Variants in NRG1 observed in about 807,000 individuals in gnomAD.
The protein encoded by NRG1 is neuregulin 1.
In NRG1, 18 loss-of-function variants were observed where a neutral mutation model predicts 63.8. The observed-to-expected ratio is 0.28, with a 90% confidence interval of 0.19 to 0.42. NRG1 has a LOEUF of 0.42. Ranked by LOEUF, NRG1 falls within the 10% of genes least tolerant of loss-of-function variation. NRG1 has a pLI of 1.00. For synonymous variants in NRG1, 302 were observed against 301.3 expected (o/e 1.00, Z -0.02); for missense variants, 762 against 814.7 (o/e 0.94, Z 0.79).
intron 1 of NRG1, among the ~76,000 whole-genome samples, chr8:32,475,585 A>C (rs1252419908): frequency 6.6e-6 from 1 of 151,580 alleles, no homozygotes; most frequent in African/African-American, 2.4e-5. Context: ...CCTAGGCTGG[A>C]GTGCAGTGGC....
intron 1 of NRG1, among the ~76,000 whole-genome samples, chr8:32,448,476 T>C (rs1464334778): frequency 5.9e-5 from 9 of 152,296 alleles, no homozygotes; most frequent in African/African-American, 2.2e-4. Context: ...CTCCTGGGGA[T>C]TGGAATTACT....
intron 5 of NRG1, among the ~76,000 whole-genome samples, chr8:32,638,547 C>T (rs1020251648): frequency 3.9e-5 from 6 of 152,216 alleles, no homozygotes; most frequent in African/African-American, 9.6e-5. Context: ...AGGCTGGTCT[C>T]GGACTCCTGG....
At chr8:31,899,675 C>T (rs1831908432) in intron 1 of NRG1, among the ~76,000 whole-genome samples, 6 of 152,036 alleles carry the variant, frequency 3.9e-5, no homozygotes, top group Admixed American at 3.9e-4. Context: ...TAAACATTTT[C>T]AAGCTTTTTA....
At chr8:32,318,502 A>G (rs1801015468) in intron 1 of NRG1, among the ~76,000 whole-genome samples, 1 of 152,164 alleles carries the variant, frequency 6.6e-6, no homozygotes, top group African/African-American at 2.4e-5. Context: ...TTAACCTGTA[A>G]CAGGCTGGTC....
At chr8:32,089,808 GA>G (rs1563773404) in intron 1 of NRG1, among the ~76,000 whole-genome samples, 1 of 151,796 alleles carries the variant, frequency 6.6e-6, no homozygotes, top group African/African-American at 2.4e-5. Context: ...AAAAGAGAAA[GA>G]AAAAAAGAAC....
intron 1 of NRG1, among the ~76,000 whole-genome samples, chr8:32,471,213 T>A (rs1353482213): frequency 6.6e-6 from 1 of 152,264 alleles, no homozygotes; most frequent in African/African-American, 2.4e-5. Context: ...TCAATGGACT[T>A]ATCTTTGCTT....
At chr8:31,861,942 T>G (rs1036082936) in intron 1 of NRG1, among the ~76,000 whole-genome samples, 1 of 152,110 alleles carries the variant, frequency 6.6e-6, no homozygotes, top group Non-Finnish European at 1.5e-5. Context: ...TTCATAAGGA[T>G]GTGAGCCAGG....
chr8:32,770,753 TG>T (rs991882054), downstream of NRG1, among the ~76,000 whole-genome samples: 468 of 152,312 alleles, frequency 3.1e-3, 5 homozygotes, highest in African/African-American at 0.011. Context: ...TTACTGACTG[TG>T]GGCAGCTTCC....
chr8:32,243,990 C>T (rs1848377827), intron 1 of NRG1, among the ~76,000 whole-genome samples: 1 of 152,122 alleles, frequency 6.6e-6, no homozygotes, highest in South Asian at 2.1e-4. Context: ...TTAAGCCACG[C>T]AGTCTATGGT....
At chr8:32,411,321 T>C (rs1814912615) in intron 1 of NRG1, among the ~76,000 whole-genome samples, 1 of 152,170 alleles carries the variant, frequency 6.6e-6, no homozygotes, top group African/African-American at 2.4e-5. Flanking sequence ...TATGGAGACT[T>C]AACGGTGTGG....
At chr8:31,926,188 C>A (rs10093513) in intron 1 of NRG1, among the ~76,000 whole-genome samples, 2,823 of 152,240 alleles carry the variant, frequency 0.019, 93 homozygotes, top group African/African-American at 0.065. Context: ...TTTTCAGTTT[C>A]TCCTTTGTCC....
intron 5 of NRG1, among the ~76,000 whole-genome samples, chr8:32,679,856 T>C (rs1323872575): frequency 6.6e-6 from 1 of 152,242 alleles, no homozygotes; most frequent in African/African-American, 2.4e-5. Context: ...GCTAATGCAC[T>C]TACAAATATG....
At chr8:32,423,929 T>A (rs1262616269) in intron 1 of NRG1, among the ~76,000 whole-genome samples, 1 of 152,194 alleles carries the variant, frequency 6.6e-6, no homozygotes. Flanking sequence ...GATACTGGAA[T>A]AATAATGAAT....
chr8:31,853,294 T>C (rs555006062), intron 1 of NRG1, among the ~76,000 whole-genome samples: 5 of 151,400 alleles, frequency 3.3e-5, no homozygotes, highest in South Asian at 2.1e-4. Context: ...CCTTGAGCAG[T>C]GGTTTGTAGT....
At chr8:31,751,974 T>C (rs1816519829) in intron 1 of NRG1, among the ~76,000 whole-genome samples, 1 of 151,968 alleles carries the variant, frequency 6.6e-6, no homozygotes, top group South Asian at 2.1e-4. Flanking sequence ...GTTTTGAACA[T>C]GTATTTGCCA....
intron 1 of NRG1, among the ~76,000 whole-genome samples, chr8:31,921,360 G>T (rs1175759911): frequency 6.6e-6 from 1 of 152,182 alleles, no homozygotes; most frequent in East Asian, 1.9e-4. Flanking sequence ...TTCATGAAGC[G>T]CTACAGCCTG....
intron 1 of NRG1, among the ~76,000 whole-genome samples, chr8:31,902,754 A>G (rs866747436): frequency 3.3e-5 from 5 of 152,240 alleles, no homozygotes; most frequent in Non-Finnish European, 7.3e-5. Context: ...TAAAAAGTAT[A>G]TGCCTAATTT....
chr8:32,699,495 G>GAATTATGTGACAGTTGTCC, intron 5 of NRG1, among the ~76,000 whole-genome samples: 1 of 152,314 alleles, frequency 6.6e-6, no homozygotes, highest in East Asian at 1.9e-4. Flanking sequence ...TAATGAAGTA[G>GAATTATGTGACAGTTGTCC]AATTATGTGA....
chr8:32,535,070 C>A (rs775278788), intron 1 of NRG1, among the ~76,000 whole-genome samples: 15 of 152,144 alleles, frequency 9.9e-5, no homozygotes, highest in Admixed American at 3.3e-4. Context: ...ATGAAAGGAA[C>A]CTTTTTCTAA....
Sources: allele counts gnomAD v4.1 joint callset (sites outside exome capture counted in the v4.1 genomes callset), GRCh38; gene constraint gnomAD v4.1.1; transcripts MANE v1.5; gene names NCBI Gene and HGNC (gene_info 2026-07-23, HGNC 2026-07-21).